BCAP29: variants seen among roughly 807,000 people sequenced by gnomAD.
The protein encoded by BCAP29 is B-cell receptor-associated protein 29.
In BCAP29, 34 loss-of-function variants were observed where a neutral mutation model predicts 31.8. The ratio of observed to expected loss-of-function variants is 1.07; its 90% CI spans 0.81 to 1.42. The LOEUF (loss-of-function observed/expected upper bound fraction) is 1.42. BCAP29 is among the 40% of genes most tolerant of loss of function. The pLI, the probability that BCAP29 is intolerant of heterozygous loss-of-function variation, is 0.00. For missense variants in BCAP29, 314 were observed against 269.2 expected (o/e 1.17, Z -1.16); for synonymous variants, 104 against 91.3 (o/e 1.14, Z -0.79).
rs746700605 is a variant in BCAP29 at position 107,594,003 on chromosome 7, A to C, written c.242A>C (p.Lys81Thr). The change falls in exon 4 of 8, where the codon AAG becomes ACG. Residue 81 changes from lysine to threonine, a missense_variant. By Grantham distance (78) the Lys-to-Thr change is moderately conservative (BLOSUM62 -1). Coordinates refer to ENST00000005259, the MANE Select transcript of BCAP29 (RefSeq NM_018844.4). ...RKYSSVHTIE[K>T]SSTSRPDAYE... The stretch of plus-strand genomic sequence containing the variant: ...TATTCCTCAGTTCATACCATTGAGA[A>C]GAGCTCCACCAGCAGACCTGATGCC... The C allele has an allele frequency of 6.2e-7, 1 of 1,613,934 alleles. No individual in the cohort carries two copies. The highest frequency in any genetic ancestry group is 8.5e-7 in the Non-Finnish European group (1 of 1,179,810).
intron 6 of BCAP29, among the ~76,000 whole-genome samples, chr7:107,601,824 T>C (rs1370089120): frequency 1.3e-5 from 2 of 152,178 alleles, no homozygotes; most frequent in Non-Finnish European, 2.9e-5. Context: ...CTTTTTTCTG[T>C]ATCCACCAAG....
chr7:107,606,149 A>C (rs1812043278), intron 6 of BCAP29, among the ~76,000 whole-genome samples: 1 of 152,224 alleles, frequency 6.6e-6, no homozygotes, highest in Non-Finnish European at 1.5e-5. Flanking sequence ...TAGACCCTAA[A>C]TATTAGAAGC....
rs1332774433 is a variant in BCAP29 at position 107,595,550 on chromosome 7, TCTC to T, written c.345-314_345-312del. Among the ~76,000 whole-genome samples, 3 of 152,102 alleles carry T rather than the reference TCTC, an allele frequency of 2.0e-5. No individual in the cohort carries two copies. The East Asian group carries it at 5.8e-4, about 29-fold the overall frequency. On this transcript the variant is annotated intron_variant, in intron 4 of 7. Coordinates refer to ENST00000005259, the MANE Select transcript of BCAP29 (RefSeq NM_018844.4). The stretch of plus-strand genomic sequence containing the variant: ...TTTGAACTGGGCCAAAAAAAATAAT[TCTC>T]CTACTGGCCCTGTCACACTGTCTGA...
chr7:107,587,719 A>C (rs1254073990), intron 3 of BCAP29: 2 of 152,186 alleles, frequency 1.3e-5, no homozygotes, highest in African/African-American at 4.8e-5. Flanking sequence ...ATAATTTTGT[A>C]GAAAAATATG....
intron 6 of BCAP29, among the ~76,000 whole-genome samples, chr7:107,609,364 C>A (rs1812726759): frequency 6.6e-6 from 1 of 152,112 alleles, no homozygotes; most frequent in Non-Finnish European, 1.5e-5. Context: ...AGAGCAATCA[C>A]TTTGACAGCA....
intron 3 of BCAP29, among the ~76,000 whole-genome samples, chr7:107,592,681 A>G (rs2129230710): frequency 6.6e-6 from 1 of 152,382 alleles, no homozygotes; most frequent in East Asian, 1.9e-4. Context: ...GAAACAGCTC[A>G]ATGCCATCAA....
intron 5 of BCAP29, among the ~76,000 whole-genome samples, chr7:107,596,935 G>T (rs1209644945): frequency 6.6e-6 from 1 of 152,130 alleles, no homozygotes; most frequent in Non-Finnish European, 1.5e-5. Flanking sequence ...CTTTCTGTTT[G>T]TTTGTTTTCC....
At chr7:107,594,414 C>T (rs1162308254) in intron 4 of BCAP29, among the ~76,000 whole-genome samples, 2 of 152,130 alleles carry the variant, frequency 1.3e-5, no homozygotes, top group Non-Finnish European at 2.9e-5. Context: ...TCTCAAACTC[C>T]TGGCCTCAAG....
At chr7:107,607,594 T>C (rs1812332591) in intron 6 of BCAP29, among the ~76,000 whole-genome samples, 1 of 151,920 alleles carries the variant, frequency 6.6e-6, no homozygotes, top group South Asian at 2.1e-4. Context: ...CTTTCCTGTA[T>C]TGATACCCTC....
intron 6 of BCAP29, among the ~76,000 whole-genome samples, chr7:107,608,572 T>A (rs1351635105): frequency 1.3e-5 from 2 of 152,198 alleles, no homozygotes; most frequent in African/African-American, 4.8e-5. Context: ...ATTCTTAGAA[T>A]CAATGTTTAG....
At chr7:107,611,480 C>A (rs1813119663) in intron 6 of BCAP29, among the ~76,000 whole-genome samples, 1 of 152,136 alleles carries the variant, frequency 6.6e-6, no homozygotes, top group Admixed American at 6.6e-5. Flanking sequence ...GCAGGCTAGT[C>A]AGCCACTATT....
chr7:107,612,428 TATATA>T lies in BCAP29; in HGVS notation c.590-903_590-899del, dbSNP rs1563141451. ...ATATATATATATATATATATATATATATATATATATATTTATTTTACTTCTATCTA... is the reference window on the plus strand; with the variant it reads ...ATATATATATATATATATATATATATTATATATTTATTTTACTTCTATCTA... On this transcript the variant is annotated intron_variant, in intron 6 of 7. Transcript: ENST00000005259. 4.1e-3 allele frequency among the ~76,000 whole-genome samples: 177 copies of T among 42,738 alleles called. 13 individuals carry two copies. The highest frequency in any genetic ancestry group is 9.5e-3 in the African/African-American group (161 of 16,998). The allele number at this position is 42,738 out of a possible 152,430, so 28.0% of individuals were successfully genotyped here. A position where few individuals can be genotyped will look rare whatever the true frequency, so the allele number is the denominator to read the frequency against.
chr7:107,606,025 G>A (rs2129273289), intron 6 of BCAP29, among the ~76,000 whole-genome samples: 1 of 152,204 alleles, frequency 6.6e-6, no homozygotes, highest in South Asian at 2.1e-4. Context: ...ATTGTAAAAA[G>A]AATTTAAAAA....
intron 2 of BCAP29, among the ~76,000 whole-genome samples, chr7:107,583,624 G>T (rs945727073): frequency 3.3e-5 from 5 of 152,050 alleles, no homozygotes; most frequent in Admixed American, 3.3e-4. Flanking sequence ...TTAAGGTTTT[G>T]CTCATGTATG....
intron 5 of BCAP29, among the ~76,000 whole-genome samples, chr7:107,599,693 G>C (rs80241216): frequency 6.6e-6 from 1 of 151,810 alleles, no homozygotes. Flanking sequence ...TATAGTTTCT[G>C]TACACAATAC....
intron 3 of BCAP29, among the ~76,000 whole-genome samples, chr7:107,584,425 A>G (rs919717770): frequency 4.6e-5 from 7 of 152,192 alleles, no homozygotes; most frequent in African/African-American, 1.4e-4. Context: ...AAAAATAAAC[A>G]TGGCCGGGCG....
rs1287905195 is a variant in BCAP29, at chr7:107,595,995, T to C, written c.473T>C (p.Leu158Pro). ...AAATTTATGGAAGAAAACGAAAAAC[T>C]AAAAAGGGTATTTAATTTTCTTTGT... ...AKKFMEENEK[L>P]KRILKSHGKD... The change falls in exon 5 of 8, where the codon CTA becomes CCA. Residue 158 changes from leucine (L) to proline (P), a missense_variant. Transcript: ENST00000005259. 1.9e-6 allele frequency: 3 copies of C among 1,567,722 alleles called. No individual in the cohort carries two copies. Among genetic ancestry groups the C allele is most frequent in the East Asian group, 2.3e-5 (1 of 43,274 alleles).
intron 6 of BCAP29, among the ~76,000 whole-genome samples, chr7:107,607,784 C>T (rs1200970095): frequency 2.0e-5 from 3 of 151,852 alleles, no homozygotes; most frequent in African/African-American, 4.8e-5. Flanking sequence ...GGATTACAGG[C>T]ACACACCACC....
At chr7:107,594,171 G>A in intron 4 of BCAP29, 66 bp downstream of exon 4, 5 of 1,439,530 alleles carry the variant, frequency 3.5e-6, no homozygotes, top group South Asian at 1.3e-5. Context: ...TTCTCATTTT[G>A]TCCACCTTTA....
Sources: allele counts gnomAD v4.1 joint callset (sites outside exome capture counted in the v4.1 genomes callset), GRCh38; gene constraint gnomAD v4.1.1; transcripts MANE v1.5; gene names NCBI Gene and HGNC (gene_info 2026-07-23, HGNC 2026-07-21).